SCP2: variants seen among roughly 807,000 people sequenced by gnomAD.
SCP2 encodes sterol carrier protein 2, also known as SCP-2/3-oxoacyl-CoA thiolase.
Under a neutral mutation model 71.4 loss-of-function variants are expected in SCP2, and 48 were observed. That is an observed-to-expected ratio of 0.67 (90% confidence interval 0.53 to 0.86). SCP2 has a LOEUF of 0.86. Among genes scored for constraint, SCP2 ranks in the 40% least tolerant of loss-of-function variants. The probability of loss-of-function intolerance (pLI) is 0.00; values close to 1 mark genes in which losing one functional copy is unlikely to be tolerated. For missense variants in SCP2, 560 were observed against 655.6 expected (o/e 0.85, Z 1.59); for synonymous variants, 220 against 218.1 (o/e 1.01, Z -0.08).
chr1:52,930,837 G>A (rs1000397542), intron 1 of SCP2, among the ~76,000 whole-genome samples: 1 of 152,028 alleles, frequency 6.6e-6, no homozygotes, highest in African/African-American at 2.4e-5. Flanking sequence ...TTAAAATCTT[G>A]TGCTCTTTCC....
At chr1:53,041,233 C>G (rs968084018) in intron 14 of SCP2, among the ~76,000 whole-genome samples, 6 of 151,936 alleles carry the variant, frequency 3.9e-5, no homozygotes, top group African/African-American at 1.5e-4. Context: ...GAAACCCTGT[C>G]TCTACTAAAA....
intron 15 of SCP2, chr1:53,048,187 A>G (rs1417679514): frequency 1.4e-5 from 6 of 434,694 alleles, no homozygotes; most frequent in Admixed American, 3.1e-5. Flanking sequence ...CAGTGCAGCC[A>G]GAGATCCAAG....
intron 12 of SCP2, 142 bp downstream of exon 12, chr1:53,015,185 C>A: frequency 1.1e-6 from 1 of 886,850 alleles, no homozygotes; most frequent in Non-Finnish European, 1.8e-6. Flanking sequence ...AAGAACATGG[C>A]TTTAAAAGTG....
intron 11 of SCP2, among the ~76,000 whole-genome samples, chr1:53,009,414 G>C (rs1187111729): frequency 6.6e-6 from 1 of 152,148 alleles, no homozygotes; most frequent in African/African-American, 2.4e-5. Flanking sequence ...GCATGGTACT[G>C]GTATCAAAAC....
chr1:53,046,244 T>A (rs1283173869), intron 14 of SCP2, among the ~76,000 whole-genome samples: 1 of 152,206 alleles, frequency 6.6e-6, no homozygotes, highest in Non-Finnish European at 1.5e-5. Context: ...GACTGTTTTC[T>A]GAAAGTGGCT....
chr1:53,018,108 G>A (rs1661469555), intron 12 of SCP2, among the ~76,000 whole-genome samples: 1 of 152,134 alleles, frequency 6.6e-6, no homozygotes, highest in African/African-American at 2.4e-5. Context: ...ACCTGCCTCT[G>A]CCTCCCAAAG....
chr1:52,976,715 A>G lies in SCP2; in HGVS notation c.620A>G (p.Asp207Gly). The G allele has an allele frequency of 6.4e-7, 1 of 1,565,830 alleles. No individual in the cohort carries two copies. ...CAGTTCCAAGATGAATACAGTTTAGATGAAGTGATGGCATCTAAAGAAGTT... is the reference window on the plus strand; with the variant it reads ...CAGTTCCAAGATGAATACAGTTTAGGTGAAGTGATGGCATCTAAAGAAGTT... Reference protein sequence around the residue: ...YSQFQDEYSLDEVMASKEVFD... With the variant: ...YSQFQDEYSLGEVMASKEVFD... Residue 207 changes from aspartate (D) to glycine (G), a missense_variant, in exon 8 of 16, where the codon GAT becomes GGT. Physicochemically the swap from Asp to Gly is moderately conservative, Grantham distance 94. Around this residue, in one of 3 missense-constraint regions of SCP2, gnomAD observed 513 missense variants for 573.1 expected, o/e 0.90. Transcript: ENST00000371514.
chr1:53,031,041 T>G (rs1288609746), intron 13 of SCP2, among the ~76,000 whole-genome samples: 1 of 152,178 alleles, frequency 6.6e-6, no homozygotes, highest in African/African-American at 2.4e-5. Context: ...TTAAAAGTTT[T>G]GGTTTTTAAA....
At chr1:52,948,918 A>G (rs1056527043) in intron 3 of SCP2, among the ~76,000 whole-genome samples, 14 of 150,938 alleles carry the variant, frequency 9.3e-5, no homozygotes, top group Admixed American at 3.3e-4. Flanking sequence ...TTTGACTAAC[A>G]TCTCTCTGTT....
At chr1:53,003,725 C>T (rs2150213031) in intron 11 of SCP2, among the ~76,000 whole-genome samples, 1 of 152,236 alleles carries the variant, frequency 6.6e-6, no homozygotes, top group South Asian at 2.1e-4. Context: ...TGGGGTCTCC[C>T]TATGCTTCCC....
intron 1 of SCP2, 34 bp downstream of exon 1, chr1:52,927,499 G>T: frequency 6.5e-7 from 1 of 1,527,628 alleles, no homozygotes; most frequent in Admixed American, 1.9e-5. Context: ...GGCCCTCTGA[G>T]GCTCGGGGGC....
At chr1:53,010,397 T>G (rs1376827817) in intron 11 of SCP2, among the ~76,000 whole-genome samples, 1 of 152,144 alleles carries the variant, frequency 6.6e-6, no homozygotes, top group Non-Finnish European at 1.5e-5. Flanking sequence ...ATCAATGATA[T>G]AGTGGATTAA....
intron 14 of SCP2, among the ~76,000 whole-genome samples, chr1:53,043,620 G>A (rs1363589638): frequency 6.6e-6 from 1 of 152,192 alleles, no homozygotes. Context: ...GACCCTTATA[G>A]GATTGTTATA....
In SCP2 at chr1:52,955,981, AAAAC is replaced by A. The variant is rs1655756894; in HGVS notation, c.396+1178_396+1181del. On this transcript the variant is annotated intron_variant, in intron 5 of 15. Coordinates refer to ENST00000371514, the MANE Select transcript of SCP2 (RefSeq NM_002979.5). ...AAGAACATTATTGGCATGAAAAAAA[AAAAC>A]TAAACAGAATTTATAGAAAAGAAAA... Among the ~76,000 whole-genome samples the A allele has an allele frequency of 3.3e-5, 5 of 152,248 alleles. No homozygotes were observed. In the South Asian group the frequency reaches 8.3e-4, roughly 25 times the overall value.
intron 6 of SCP2, among the ~76,000 whole-genome samples, chr1:52,962,162 A>C (rs1237506898): frequency 6.6e-6 from 1 of 152,154 alleles, no homozygotes; most frequent in Admixed American, 6.5e-5. Flanking sequence ...TCAGCCTCCC[A>C]AAGTGTTGGG....
intron 14 of SCP2, among the ~76,000 whole-genome samples, chr1:53,045,129 G>A (rs1353759180): frequency 6.6e-6 from 1 of 152,104 alleles, no homozygotes; most frequent in South Asian, 2.1e-4. Flanking sequence ...AGTGTACCAC[G>A]TGATGAATGT....
At chr1:53,019,144 T>C (rs981837086) in intron 12 of SCP2, among the ~76,000 whole-genome samples, 3 of 152,220 alleles carry the variant, frequency 2.0e-5, no homozygotes, top group Admixed American at 2.0e-4. Flanking sequence ...TTAACCCATA[T>C]TGGTGTTGTT....
chr1:53,007,080 AC>A (rs1407887261), intron 11 of SCP2, among the ~76,000 whole-genome samples: 2 of 152,252 alleles, frequency 1.3e-5, no homozygotes, highest in African/African-American at 4.8e-5. Flanking sequence ...AGAAGAGATA[AC>A]TATCCTAAAT....
At chr1:52,940,869 C>T (rs550696854) in intron 1 of SCP2, among the ~76,000 whole-genome samples, 1 of 152,278 alleles carries the variant, frequency 6.6e-6, no homozygotes, top group African/African-American at 2.4e-5. Flanking sequence ...TCTGCCTCAG[C>T]CTCCTGAGGA....
Sources: allele counts gnomAD v4.1 joint callset (sites outside exome capture counted in the v4.1 genomes callset), GRCh38; gene constraint gnomAD v4.1.1; regional missense constraint gnomAD v4.1.1; transcripts MANE v1.5; gene names NCBI Gene and HGNC (gene_info 2026-07-23, HGNC 2026-07-21).